Variants in TCF20 observed in about 807,000 individuals in gnomAD.
TCF20 encodes the protein transcription factor 20.
A neutral mutation model predicts 148.6 loss-of-function variants in TCF20; 3 were observed. The observed-to-expected ratio is 0.02, with a 90% CI of 0.01 to 0.05. The LOEUF is 0.05. Ranked by LOEUF, TCF20 falls within the 10% of genes least tolerant of loss-of-function variation. TCF20 has a pLI of 1.00. For missense variants in TCF20, 2,350 were observed against 2,429.3 expected (o/e 0.97, Z 0.69); for synonymous variants, 1,049 against 909.5 (o/e 1.15, Z -2.76).
intron 1 of TCF20, among the ~76,000 whole-genome samples, chr22:42,324,183 T>G (rs1170180486): frequency 6.0e-5 from 6 of 100,768 alleles, no homozygotes; most frequent in Non-Finnish European, 1.0e-4. Flanking sequence ...TGATGGAGGT[T>G]ATGGTGGTGG....
At chr22:42,244,916 CA>C (rs34776152) in intron 1 of TCF20, among the ~76,000 whole-genome samples, 29,586 of 150,454 alleles carry the variant, frequency 0.2, 3,098 homozygotes, top group East Asian at 0.34. Context: ...CCCATCTCTA[CA>C]AAAAAAAATA....
upstream of TCF20, among the ~76,000 whole-genome samples, chr22:42,270,958 G>A (rs1422346778): frequency 6.6e-6 from 1 of 152,078 alleles, no homozygotes; most frequent in South Asian, 2.1e-4. Context: ...GGGTGGACGC[G>A]AGCCAACTTT....
At chr22:42,219,811 G>A (rs1922187354) in intron 1 of TCF20, among the ~76,000 whole-genome samples, 1 of 151,980 alleles carries the variant, frequency 6.6e-6, no homozygotes, top group Non-Finnish European at 1.5e-5. Flanking sequence ...AGCAGAGATC[G>A]CGCCACTGCC....
At chr22:42,201,936 TGAGA>T (rs1362906703) in intron 2 of TCF20, among the ~76,000 whole-genome samples, 1 of 152,184 alleles carries the variant, frequency 6.6e-6, no homozygotes, top group Non-Finnish European at 1.5e-5. Flanking sequence ...TTCTGTCTTT[TGAGA>T]GATATAATTC....
intron 1 of TCF20, among the ~76,000 whole-genome samples, chr22:42,254,623 T>C (rs1409198045): frequency 2.6e-5 from 4 of 152,208 alleles, no homozygotes; most frequent in South Asian, 2.1e-4. Flanking sequence ...ACTGTGGCTC[T>C]TAAGACCCTC....
chr22:42,316,857 G>C (rs1927642029), intron 1 of TCF20, among the ~76,000 whole-genome samples: 1 of 152,168 alleles, frequency 6.6e-6, no homozygotes, highest in Non-Finnish European at 1.5e-5. Context: ...CCCCTCTGAA[G>C]CTGACACTGG....
upstream of TCF20, among the ~76,000 whole-genome samples, chr22:42,286,774 T>C (rs1352371335): frequency 6.6e-6 from 1 of 152,144 alleles, no homozygotes; most frequent in Admixed American, 6.5e-5. Context: ...GTCACTGAGA[T>C]TTTGCGTGGG....
chr22:42,262,894 G>T (rs1479069582), intron 1 of TCF20, among the ~76,000 whole-genome samples: 1 of 152,050 alleles, frequency 6.6e-6, no homozygotes, highest in Non-Finnish European at 1.5e-5. Flanking sequence ...CAATATTTGA[G>T]AACATAAAAT....
intron 1 of TCF20, among the ~76,000 whole-genome samples, chr22:42,235,524 C>G (rs1241576949): frequency 6.6e-6 from 1 of 152,156 alleles, no homozygotes; most frequent in Admixed American, 6.5e-5. Flanking sequence ...AGAAAATCAT[C>G]TAGAAATAGG....
At chr22:42,275,912 G>A (rs916669643) in intron 1 of TCF20, among the ~76,000 whole-genome samples, 13 of 152,154 alleles carry the variant, frequency 8.5e-5, no homozygotes, top group African/African-American at 3.1e-4. Flanking sequence ...CCTATAAAGT[G>A]GGTACTGTTC....
At chr22:42,239,712 A>G (rs1601643928) in intron 1 of TCF20, among the ~76,000 whole-genome samples, 1 of 152,166 alleles carries the variant, frequency 6.6e-6, no homozygotes, top group East Asian at 1.9e-4. Flanking sequence ...GCTAGAACCC[A>G]GGAGGTGGAG....
At chr22:42,315,852 G>A (rs1927620025) in intron 1 of TCF20, among the ~76,000 whole-genome samples, 1 of 152,130 alleles carries the variant, frequency 6.6e-6, no homozygotes, top group Admixed American at 6.5e-5. Flanking sequence ...GGTGGCTCAC[G>A]CCTGTAATCC....
intron 1 of TCF20, among the ~76,000 whole-genome samples, chr22:42,260,179 G>C (rs531455237): frequency 2.6e-5 from 4 of 152,240 alleles, no homozygotes; most frequent in African/African-American, 9.6e-5. Context: ...AAGGAGCCAA[G>C]TGTAAAGGTC....
intron 1 of TCF20, among the ~76,000 whole-genome samples, chr22:42,304,226 G>A (rs569181083): frequency 4.6e-5 from 7 of 152,222 alleles, no homozygotes; most frequent in South Asian, 2.1e-4. Flanking sequence ...AAGCACCCCC[G>A]CCCCGCCTTA....
intron 1 of TCF20, among the ~76,000 whole-genome samples, chr22:42,247,386 G>C (rs1925008141): frequency 6.7e-6 from 1 of 148,350 alleles, no homozygotes; most frequent in Non-Finnish European, 1.5e-5. Flanking sequence ...CTTGCAGTGA[G>C]CCGAGATGGT....
chr22:42,185,529 T>C lies in TCF20; in HGVS notation c.5656-5827A>G, dbSNP rs56718625. ...TTCATTTTTGGCCACCAGCAAAAAG[T>C]TTTTTGTCCTTTTAATTATGCCTCC... On this transcript the variant is annotated intron_variant, in intron 2 of 5. Coordinates refer to ENST00000677622, the MANE Select transcript of TCF20 (RefSeq NM_001378418.1). Among the ~76,000 whole-genome samples, 1,074 of 152,144 alleles carry C rather than the reference T, an allele frequency of 7.1e-3. 17 individuals are homozygous for C. Among genetic ancestry groups the C allele is most frequent in the African/African-American group, 0.025 (1,033 of 41,484 alleles).
At chr22:42,328,108 T>A (rs1927906145) in intron 1 of TCF20, among the ~76,000 whole-genome samples, 1 of 152,134 alleles carries the variant, frequency 6.6e-6, no homozygotes, top group African/African-American at 2.4e-5. Context: ...GGGTCAGGGC[T>A]TGTCTTCTCT....
At chr22:42,221,739 G>GTTTTTTTTTTTTTTTTTTTTTTTTT (rs59283483) in intron 1 of TCF20, among the ~76,000 whole-genome samples, 1 of 92,808 alleles carries the variant, frequency 1.1e-5, no homozygotes. Flanking sequence ...ATGGCAAAGG[G>GTTTTTTTTTTTTTTTTTTTTTTTTT]TTTTTTTTTT....
At position 42,213,166 on chromosome 22, in the gene TCF20, C is replaced by T. The variant is rs772874257; in HGVS notation, c.2140G>A (p.Gly714Arg). 36 of 1,614,054 alleles carry T rather than the reference C, an allele frequency of 2.2e-5. No homozygotes were observed. The highest frequency in any genetic ancestry group is 8.8e-5 in the South Asian group (8 of 91,076). The stretch of plus-strand genomic sequence containing the variant: ...CTGACATTTCGTGGCACGGCTGACC[C>T]GAAACTATCTTTGTAACTATAGCGC... The part of the protein sequence containing the change: ...SLRYSYKDSF[G>R]SAVPRNVSGF... Residue 714 changes from glycine to arginine, a missense_variant, in exon 2 of 6, where the codon GGG (glycine) becomes AGG (arginine). Gly to Arg is a moderately radical substitution (Grantham distance 125). Around this residue, in one of 7 missense-constraint regions of TCF20, gnomAD observed 1,641 missense variants for 1,662.6 expected, o/e 0.99. Transcript: ENST00000677622.
Sources: allele counts gnomAD v4.1 joint callset (sites outside exome capture counted in the v4.1 genomes callset), GRCh38; gene constraint gnomAD v4.1.1; regional missense constraint gnomAD v4.1.1; transcripts MANE v1.5; gene names NCBI Gene and HGNC (gene_info 2026-07-23, HGNC 2026-07-21).